The following C6orf58 variants were observed in gnomAD, a reference collection of about 807,000 sequenced individuals.
C6orf58 encodes protein LEG1 homolog.
Under a neutral mutation model 37.0 loss-of-function variants are expected in C6orf58, and 30 were observed. The ratio of observed to expected loss-of-function variants is 0.81; its 90% CI spans 0.61 to 1.10. The LOEUF is 1.10. C6orf58 is among the 50% of genes least tolerant of loss of function. The pLI, the probability that C6orf58 is intolerant of heterozygous loss-of-function variation, is 0.00. For missense variants in C6orf58, 368 were observed against 387.5 expected (o/e 0.95, Z 0.42); for synonymous variants, 143 against 134.1 (o/e 1.07, Z -0.46).
intron 4 of C6orf58, 110 bp from the exon 5 acceptor site, chr6:127,589,977 T>C: frequency 5.5e-6 from 4 of 724,482 alleles, no homozygotes; most frequent in South Asian, 5.5e-5. Flanking sequence ...TTCTAAATTA[T>C]AAAATTATGA....
At position 127,577,475 on chromosome 6, in the gene C6orf58, A is replaced by G; in HGVS notation, c.290A>G (p.Gln97Arg). 1 of 1,613,488 alleles carries G rather than the reference A, an allele frequency of 6.2e-7. No homozygotes were observed. The highest frequency in any genetic ancestry group is 2.2e-5 in the East Asian group (1 of 44,874). Residue 97 changes from glutamine (Q) to arginine (R), a missense_variant, in exon 1 of 6, where the codon CAA becomes CGA. Coordinates refer to ENST00000329722, the MANE Select transcript of C6orf58 (RefSeq NM_001010905.3). The stretch of plus-strand genomic sequence containing the variant: ...GGGTTGCCTCTGCAGTATGGCTGGC[A>G]ATATAGGACAGGTAAGAATGACTCT... The part of the protein sequence containing the change: ...LWGLPLQYGW[Q>R]YRTGRLADPT...
rs1025129588 is a variant in C6orf58, at chr6:127,590,305, A to G, written c.893A>G (p.Asp298Gly). ...GTCCTGGTTCTTCTAAATATGCTTG[A>G]CAATGTGGATAAATCTATAGGTAAG... ...NVVLVLLNML[D>G]NVDKSIGYLC... Residue 298 changes from aspartate (D) to glycine (G), a missense_variant, in exon 5 of 6, where the codon GAC becomes GGC. Coordinates refer to ENST00000329722, the MANE Select transcript of C6orf58 (RefSeq NM_001010905.3). The G allele has an allele frequency of 1.9e-6, 3 of 1,607,136 alleles. No individual in the cohort carries two copies. The African/African-American group carries it at 4.0e-5, about 21-fold the overall frequency.
chr6:127,579,746 C>T (rs116455468), intron 2 of C6orf58, among the ~76,000 whole-genome samples: 2,419 of 152,020 alleles, frequency 0.016, 69 homozygotes, highest in African/African-American at 0.057. Context: ...AAAACTTACC[C>T]AAAATTTGTG....
chr6:127,581,609 C>T (rs1447849143), intron 4 of C6orf58, among the ~76,000 whole-genome samples: 2 of 151,706 alleles, frequency 1.3e-5, no homozygotes, highest in Non-Finnish European at 2.9e-5. Context: ...ATCATAGACA[C>T]TGTTACAAGA....
intron 4 of C6orf58, among the ~76,000 whole-genome samples, chr6:127,585,283 A>G (rs2114296769): frequency 6.6e-6 from 1 of 152,314 alleles, no homozygotes; most frequent in East Asian, 1.9e-4. Context: ...CCCAAAATTA[A>G]TTTGAGGTCA....
intron 4 of C6orf58, among the ~76,000 whole-genome samples, chr6:127,585,756 C>T (rs942825840): frequency 1.3e-5 from 2 of 152,126 alleles, no homozygotes; most frequent in African/African-American, 4.8e-5. Flanking sequence ...TAATTCTCTT[C>T]TAATTTTAGC....
At position 127,577,281 on chromosome 6, in the gene C6orf58, G is replaced by C. The variant is rs979461480; in HGVS notation, c.96G>C (p.Leu32=). 1.2e-6 allele frequency: 2 copies of C among 1,613,612 alleles called. No individual in the cohort carries two copies. The highest frequency in any genetic ancestry group is 1.7e-6 in the Non-Finnish European group (2 of 1,179,646). Residue 32 remains leucine (L), a synonymous_variant, in exon 1 of 6, where the codon CTG becomes CTC. Coordinates refer to ENST00000329722, the MANE Select transcript of C6orf58 (RefSeq NM_001010905.3). ...ATCTCTCAGAGACAGAGCCCCCTCT[G>C]TGGAAGGAGAGTCCTGGTCAGCTCA... ...TSNLSETEPP[L]WKESPGQLSD...
At chr6:127,582,199 A>T (rs1775057246) in intron 4 of C6orf58, among the ~76,000 whole-genome samples, 1 of 152,088 alleles carries the variant, frequency 6.6e-6, no homozygotes, top group Admixed American at 6.6e-5. Context: ...CATTATTCTA[A>T]TTTTAATGAG....
At chr6:127,579,100 A>G (rs1393962885) in intron 2 of C6orf58, among the ~76,000 whole-genome samples, 1 of 152,108 alleles carries the variant, frequency 6.6e-6, no homozygotes, top group African/African-American at 2.4e-5. Flanking sequence ...AGGAACGATG[A>G]GAAGTGAGAC....
At chr6:127,578,128 A>T (rs570852925) in intron 1 of C6orf58, among the ~76,000 whole-genome samples, 1 of 152,220 alleles carries the variant, frequency 6.6e-6, no homozygotes, top group Non-Finnish European at 1.5e-5. Flanking sequence ...TGTGAGAGAG[A>T]GGTTAAGAAA....
Position 127,590,321 on chromosome 6 carries a change from T to C in C6orf58, c.909T>C (p.Ser303=), listed in dbSNP as rs749348166. 1 of 1,578,048 alleles carries C rather than the reference T, an allele frequency of 6.3e-7. No homozygotes were observed. The highest frequency in any genetic ancestry group is 1.1e-5 in the South Asian group (1 of 90,222). Residue 303 remains serine (S), a synonymous_variant, in exon 5 of 6, where the codon TCT becomes TCC. Coordinates refer to ENST00000329722, the MANE Select transcript of C6orf58 (RefSeq NM_001010905.3). ...ATATGCTTGACAATGTGGATAAATC[T>C]ATAGGTAAGAACCTTAAAAGGATAC... ...LLNMLDNVDK[S]IGYLCTEKSN...
At chr6:127,578,656 A>G in intron 1 of C6orf58, 30 bp from the exon 2 acceptor site, 1 of 1,520,694 alleles carries the variant, frequency 6.6e-7, no homozygotes, top group South Asian at 1.1e-5. Context: ...TGCGTATAAT[A>G]AATACGACTG....
intron 5 of C6orf58, among the ~76,000 whole-genome samples, chr6:127,591,324 A>G (rs1273858544): frequency 6.6e-6 from 1 of 152,170 alleles, no homozygotes; most frequent in Non-Finnish European, 1.5e-5. Context: ...AAATTCATAG[A>G]AAGAACGTGA....
Position 127,581,238 on chromosome 6 carries a change from A to C in C6orf58, c.630A>C (p.Ala210=). The C allele has an allele frequency of 6.5e-7, 1 of 1,540,308 alleles. No individual in the cohort carries two copies. The highest frequency in any genetic ancestry group is 8.8e-7 in the Non-Finnish European group (1 of 1,139,634). The change falls in exon 4 of 6, where the codon GCA becomes GCC. Residue 210 remains alanine (A), a synonymous_variant. Coordinates refer to ENST00000329722, the MANE Select transcript of C6orf58 (RefSeq NM_001010905.3). ...FDDLLKYLWA[A]HTSTLADNIK... ...ATCTGTTGAAGTACTTATGGGCTGC[A>C]CACACTTCAACCTTGGCAGATAATA...
chr6:127,577,177 T>G lies in C6orf58; in HGVS notation c.-9T>G. The G allele has an allele frequency of 3.1e-6, 5 of 1,611,680 alleles. No homozygotes were observed. Among genetic ancestry groups the G allele is most frequent in the Non-Finnish European group, 4.2e-6 (5 of 1,178,830 alleles). ...CCCTGCTACGATCGCAATCCCCAGCTCTGGCACAATGGCTTTTCTTCCTTC... is the reference window on the plus strand; with the variant it reads ...CCCTGCTACGATCGCAATCCCCAGCGCTGGCACAATGGCTTTTCTTCCTTC... On this transcript the variant is annotated 5_prime_UTR_variant, in exon 1 of 6. Coordinates refer to ENST00000329722, the MANE Select transcript of C6orf58 (RefSeq NM_001010905.3).
Position 127,581,812 on chromosome 6 carries a change from G to A in C6orf58, c.674+530G>A, listed in dbSNP as rs189474723. 3.6e-3 allele frequency among the ~76,000 whole-genome samples: 545 copies of A among 152,218 alleles called. 4 individuals are homozygous for A. The highest frequency in any genetic ancestry group is 4.8e-3 in the South Asian group (23 of 4,822). On this transcript the variant is annotated intron_variant, in intron 4 of 5. Transcript: ENST00000329722. The stretch of plus-strand genomic sequence containing the variant: ...TTACAGCTCAGATTTGCCTCATTTG[G>A]ACATAGTGTGGTGAGAAATTTGCCT...
intron 2 of C6orf58, among the ~76,000 whole-genome samples, chr6:127,579,363 C>A (rs2114289849): frequency 6.6e-6 from 1 of 152,196 alleles, no homozygotes; most frequent in South Asian, 2.1e-4. Context: ...AGAAACACGA[C>A]CACATTAAAT....
At chr6:127,586,456 C>T (rs1775107264) in intron 4 of C6orf58, among the ~76,000 whole-genome samples, 2 of 152,212 alleles carry the variant, frequency 1.3e-5, no homozygotes, top group African/African-American at 4.8e-5. Context: ...GTGTAAGGTG[C>T]AAATTCCCTG....
At chr6:127,586,161 C>T (rs899832191) in intron 4 of C6orf58, among the ~76,000 whole-genome samples, 13 of 152,076 alleles carry the variant, frequency 8.5e-5, no homozygotes, top group African/African-American at 2.9e-4. Flanking sequence ...TCTAGAAGCA[C>T]GTGTTTTCTC....
Sources: gnomAD v4.1 joint callset for allele counts (sites outside exome capture counted in the v4.1 genomes callset) on GRCh38, gnomAD v4.1.1 for gene constraint, MANE v1.5 for transcripts, NCBI Gene and HGNC (gene_info 2026-07-23, HGNC 2026-07-21) for gene names.